ROBO1: variants seen among roughly 807,000 people sequenced by gnomAD.
ROBO1 encodes the protein roundabout homolog 1.
ROBO1 carries 149 observed loss-of-function variants against 195.9 expected under a neutral mutation model. The ratio of observed to expected loss-of-function variants is 0.76; its 90% CI spans 0.67 to 0.87. The LOEUF is 0.87. ROBO1 is among the 40% of genes least tolerant of loss of function. The pLI, the probability that ROBO1 is intolerant of heterozygous loss-of-function variation, is 0.00. For missense variants in ROBO1, 1,933 were observed against 2,068.3 expected, an observed-to-expected ratio of 0.93 and a Z score of 1.27; for synonymous variants, 816 against 733.2, an observed-to-expected ratio of 1.11 and a Z score of -1.82.
intron 3 of ROBO1, among the ~76,000 whole-genome samples, chr3:79,034,683 T>C (rs1211139861): frequency 2.6e-5 from 4 of 152,126 alleles, no homozygotes; most frequent in Admixed American, 2.0e-4. Context: ...TTAAAAATAA[T>C]AACTGGGAGC....
intron 4 of ROBO1, among the ~76,000 whole-genome samples, chr3:78,910,415 TGTGGAAACAGGAGAAAAC>T (rs1241464101): frequency 6.6e-6 from 1 of 151,926 alleles, no homozygotes; most frequent in Non-Finnish European, 1.5e-5. Flanking sequence ...CTGGCAAATT[TGTGGAAACAGGAGAAAAC>T]GTGGGAATGT....
intron 2 of ROBO1, among the ~76,000 whole-genome samples, chr3:79,446,991 T>C (rs896561959): frequency 2.9e-4 from 44 of 151,452 alleles, no homozygotes; most frequent in African/African-American, 1.0e-3. Flanking sequence ...GCCCAGCTAA[T>C]TTTTGTATTT....
chr3:78,749,394 G>A (rs1427788974), intron 4 of ROBO1, among the ~76,000 whole-genome samples: 1 of 151,836 alleles, frequency 6.6e-6, no homozygotes, highest in African/African-American at 2.4e-5. Context: ...TATGTTATTT[G>A]GCCTTTTATA....
chr3:78,915,619 CATAAAATTTA>C (rs766911987), intron 4 of ROBO1, among the ~76,000 whole-genome samples: 21 of 151,980 alleles, frequency 1.4e-4, no homozygotes, highest in Non-Finnish European at 2.9e-4. Context: ...TAATTATTAA[CATAAAATTTA>C]GTAAAATTTA....
chr3:79,333,228 GA>G (rs1409965819), intron 2 of ROBO1, among the ~76,000 whole-genome samples: 1 of 148,478 alleles, frequency 6.7e-6, no homozygotes, highest in African/African-American at 2.5e-5. Flanking sequence ...AAACAGAAAA[GA>G]AAAAAATCAA....
At chr3:79,599,493 A>G (rs756129909) in intron 1 of ROBO1, among the ~76,000 whole-genome samples, 24 of 152,040 alleles carry the variant, frequency 1.6e-4, no homozygotes, top group Non-Finnish European at 2.8e-4. Flanking sequence ...ATGTATAAAA[A>G]TAAACCTAAT....
intron 14 of ROBO1, among the ~76,000 whole-genome samples, chr3:78,664,152 CCT>C (rs1707600691): frequency 6.6e-6 from 1 of 152,244 alleles, no homozygotes; most frequent in South Asian, 2.1e-4. Flanking sequence ...ATGAATTGAT[CCT>C]GTTACTGTTT....
At chr3:79,406,930 C>CT (rs2037572369) in intron 2 of ROBO1, among the ~76,000 whole-genome samples, 2 of 150,948 alleles carry the variant, frequency 1.3e-5, no homozygotes, top group Admixed American at 1.3e-4. Flanking sequence ...CTTTCTTTTT[C>CT]TTTTTTGAGA....
chr3:78,769,607 A>G (rs1431698916), intron 4 of ROBO1, among the ~76,000 whole-genome samples: 1 of 126,156 alleles, frequency 7.9e-6, no homozygotes, highest in African/African-American at 3.0e-5. Context: ...TTTTGTTGCC[A>G]GTGTACTTTG....
At chr3:79,239,500 T>G (rs1019963449) in intron 2 of ROBO1, among the ~76,000 whole-genome samples, 2 of 152,170 alleles carry the variant, frequency 1.3e-5, no homozygotes, top group African/African-American at 4.8e-5. Flanking sequence ...TTCCACAGCT[T>G]TTATATAATT....
intron 4 of ROBO1, among the ~76,000 whole-genome samples, chr3:78,930,034 C>G (rs558015907): frequency 6.6e-6 from 1 of 152,068 alleles, no homozygotes; most frequent in African/African-American, 2.4e-5. Context: ...CTTAAATATT[C>G]CAGAACGAAA....
chr3:79,530,920 C>T (rs9882489), intron 2 of ROBO1, among the ~76,000 whole-genome samples: 44,726 of 151,864 alleles, frequency 0.29, 7,031 homozygotes, highest in Non-Finnish European at 0.35. Context: ...TCTTGCGGGA[C>T]GTGACCCCTT....
chr3:79,570,960 G>C (rs1042960593), intron 2 of ROBO1, among the ~76,000 whole-genome samples: 4 of 152,094 alleles, frequency 2.6e-5, no homozygotes, highest in Non-Finnish European at 1.5e-5. Context: ...ATAAATTAGA[G>C]AGGATTATAA....
At chr3:78,909,224 T>G (rs1012384514) in intron 4 of ROBO1, among the ~76,000 whole-genome samples, 1 of 151,794 alleles carries the variant, frequency 6.6e-6, no homozygotes, top group South Asian at 2.1e-4. Flanking sequence ...ATTAGAAATA[T>G]CAAAGATATT....
chr3:79,715,086 C>T (rs1480234486), intron 1 of ROBO1, among the ~76,000 whole-genome samples: 3 of 151,898 alleles, frequency 2.0e-5, no homozygotes, highest in African/African-American at 4.8e-5. Context: ...TGAGAAATTG[C>T]TTTTTATGAA....
intron 1 of ROBO1, among the ~76,000 whole-genome samples, chr3:79,706,487 G>C (rs1947773073): frequency 6.6e-6 from 1 of 152,034 alleles, no homozygotes; most frequent in Non-Finnish European, 1.5e-5. Flanking sequence ...ACACATCTGA[G>C]ATAAATCCTA....
Position 78,617,695 on chromosome 3 carries a change from C to A in ROBO1, c.4222G>T (p.Ala1408Ser). The change falls in exon 27 of 31, where the codon GCA (alanine) becomes TCA (serine). Residue 1408 changes from alanine (A) to serine (S), a missense_variant. Ala to Ser is a moderately conservative substitution (Grantham distance 99, BLOSUM62 1). Transcript: ENST00000464233. ...FTDADFAQAV[A>S]AAAEYAGLKV... Reference sequence around the variant, plus strand: ...AGACCAGCATACTCTGCCGCTGCTGCGACTGCCTGGGCAAAGTCAGCATCA... The same window carrying A: ...AGACCAGCATACTCTGCCGCTGCTGAGACTGCCTGGGCAAAGTCAGCATCA... 1.2e-6 allele frequency: 2 copies of A among 1,613,924 alleles called. No homozygotes were observed. Among genetic ancestry groups the A allele is most frequent in the South Asian group, 1.1e-5 (1 of 91,088 alleles).
At chr3:79,048,688 T>G (rs2078640560) in intron 3 of ROBO1, among the ~76,000 whole-genome samples, 1 of 152,108 alleles carries the variant, frequency 6.6e-6, no homozygotes, top group Non-Finnish European at 1.5e-5. Context: ...ATTGTCACAC[T>G]ATGATGATGA....
At chr3:79,530,601 T>C (rs1012903625) in intron 2 of ROBO1, among the ~76,000 whole-genome samples, 5 of 152,162 alleles carry the variant, frequency 3.3e-5, no homozygotes, top group Non-Finnish European at 7.3e-5. Context: ...CTTTCAAATC[T>C]ATCCATTGTT....
Sources: allele counts gnomAD v4.1 joint callset (sites outside exome capture counted in the v4.1 genomes callset), GRCh38; gene constraint gnomAD v4.1.1; transcripts MANE v1.5; gene names NCBI Gene and HGNC (gene_info 2026-07-23, HGNC 2026-07-21).